Variants in CCDC158 observed in about 807,000 individuals in gnomAD.
The protein encoded by CCDC158 is coiled-coil domain containing 158, also known as coiled-coil domain-containing protein 158.
In CCDC158, 116 loss-of-function variants were observed where a neutral mutation model predicts 138.6. The ratio of observed to expected loss-of-function variants is 0.84; its 90% CI spans 0.72 to 0.98. CCDC158 has a LOEUF of 0.98. Ranked by LOEUF, CCDC158 falls within the 50% of genes least tolerant of loss-of-function variation. CCDC158 has a pLI of 0.00. For synonymous variants in CCDC158, 436 were observed against 442.4 expected, an observed-to-expected ratio of 0.99 and a Z score of 0.18; for missense variants, 1,265 against 1,306.1, an observed-to-expected ratio of 0.97 and a Z score of 0.48.
intron 24 of CCDC158, among the ~76,000 whole-genome samples, chr4:76,318,731 C>T (rs1158810963): frequency 1.3e-5 from 2 of 152,036 alleles, no homozygotes; most frequent in Non-Finnish European, 2.9e-5. Flanking sequence ...AGAGCAATAT[C>T]CATGATGAAC....
intron 13 of CCDC158, among the ~76,000 whole-genome samples, 174 bp from the exon 14 acceptor site, chr4:76,357,700 G>T (rs936515675): frequency 5.9e-5 from 9 of 152,112 alleles, no homozygotes; most frequent in Non-Finnish European, 7.4e-5. Flanking sequence ...CCAGGGATAT[G>T]ACCCTTTCTT....
intron 2 of CCDC158, among the ~76,000 whole-genome samples, chr4:76,411,226 A>G (rs139582348): frequency 2.6e-5 from 4 of 152,110 alleles, no homozygotes; most frequent in African/African-American, 9.6e-5. Flanking sequence ...ACAGAGTGAG[A>G]CTCTGTCTTT....
chr4:76,372,466 A>G (rs985087390), intron 9 of CCDC158, among the ~76,000 whole-genome samples: 16 of 152,200 alleles, frequency 1.1e-4, no homozygotes, highest in African/African-American at 3.9e-4. Flanking sequence ...TTGATATGGC[A>G]TAAACAACAT....
chr4:76,421,203 G>C (rs1331680670), upstream of CCDC158, among the ~76,000 whole-genome samples: 2 of 152,148 alleles, frequency 1.3e-5, no homozygotes, highest in East Asian at 3.9e-4. Context: ...CGCGCGAGCC[G>C]CGTGGGTGAC....
At chr4:76,404,943 C>T (rs79783694) in intron 2 of CCDC158, among the ~76,000 whole-genome samples, 4,430 of 152,042 alleles carry the variant, frequency 0.029, 214 homozygotes, top group African/African-American at 0.1. Flanking sequence ...GAATATAATA[C>T]AACTGGGTTT....
chr4:76,408,972 A>G lies in CCDC158; in HGVS notation c.-74+3118T>C, dbSNP rs1427101573. The stretch of plus-strand genomic sequence containing the variant: ...ATTTTTTCACGTGTCTTTTGGCTGC[A>G]TAAATGTCTTCTTTTGAGAAGTGTC... On this transcript the variant is annotated intron_variant, in intron 2 of 24. Coordinates refer to ENST00000682701, the MANE Select transcript of CCDC158 (RefSeq NM_001394954.1). 5.9e-5 allele frequency among the ~76,000 whole-genome samples: 9 copies of G among 152,214 alleles called. 1 individual carries two copies. The highest frequency in any genetic ancestry group is 5.9e-4 in the Admixed American group (9 of 15,274).
intron 1 of CCDC158, among the ~76,000 whole-genome samples, chr4:76,414,543 A>G (rs1159242818): frequency 1.3e-5 from 2 of 152,192 alleles, no homozygotes; most frequent in African/African-American, 2.4e-5. Flanking sequence ...GAGACTCCTG[A>G]TATGGTTTGG....
chr4:76,382,767 T>G, intron 7 of CCDC158, 47 bp from the exon 8 acceptor site: 1 of 1,236,536 alleles, frequency 8.1e-7, no homozygotes, highest in Non-Finnish European at 1.2e-6. Context: ...AAGATTTTCC[T>G]GACTATGAAT....
chr4:76,341,125 CATAAATT>C (rs1722007993), intron 18 of CCDC158, among the ~76,000 whole-genome samples: 1 of 152,078 alleles, frequency 6.6e-6, no homozygotes, highest in South Asian at 2.1e-4. Context: ...TAAAATTTTT[CATAAATT>C]ATATCTTTAA....
chr4:76,358,881 AC>A (rs1446081814), intron 13 of CCDC158, among the ~76,000 whole-genome samples: 1 of 152,298 alleles, frequency 6.6e-6, no homozygotes, highest in African/African-American at 2.4e-5. Flanking sequence ...GTAACTTCTG[AC>A]TTTATGAAGT....
chr4:76,338,217 T>G (rs1225342658), intron 18 of CCDC158, among the ~76,000 whole-genome samples: 1 of 152,000 alleles, frequency 6.6e-6, no homozygotes, highest in Non-Finnish European at 1.5e-5. Context: ...AAATACAGAT[T>G]AACATTAGCA....
chr4:76,335,008 A>G (rs1721344802), intron 18 of CCDC158, among the ~76,000 whole-genome samples: 1 of 152,192 alleles, frequency 6.6e-6, no homozygotes. Flanking sequence ...AAACCAATAT[A>G]ATATCCAGCT....
At chr4:76,315,779 G>C (rs897055980) in intron 24 of CCDC158, among the ~76,000 whole-genome samples, 1 of 152,190 alleles carries the variant, frequency 6.6e-6, no homozygotes, top group Non-Finnish European at 1.5e-5. Context: ...ACGTGAAGAT[G>C]AATCACATCA....
rs533102328 is a variant in CCDC158, at chr4:76,393,468, A to T, written c.288+2801T>A. Among the ~76,000 whole-genome samples, 15 of 152,260 alleles carry T rather than the reference A, an allele frequency of 9.9e-5. No individual in the cohort carries two copies. In the South Asian group the frequency reaches 2.7e-3, roughly 27 times the overall value. On this transcript the variant is annotated intron_variant, in intron 4 of 24. Coordinates refer to ENST00000682701, the MANE Select transcript of CCDC158 (RefSeq NM_001394954.1). Reference sequence around the variant, plus strand: ...AAACTAGATCCCTATCTCTCACCATATTTAAAAATTAAATCAAAATGGGTT... The same window carrying T: ...AAACTAGATCCCTATCTCTCACCATTTTTAAAAATTAAATCAAAATGGGTT...
chr4:76,370,399 G>C (rs1318754113), intron 10 of CCDC158, among the ~76,000 whole-genome samples: 1 of 152,212 alleles, frequency 6.6e-6, no homozygotes, highest in African/African-American at 2.4e-5. Context: ...CGGGTAGAGA[G>C]AAAGGATTGG....
chr4:76,389,000 T>G (rs528222734), intron 4 of CCDC158, among the ~76,000 whole-genome samples: 1 of 152,070 alleles, frequency 6.6e-6, no homozygotes, highest in East Asian at 1.9e-4. Context: ...CAGGCACAAA[T>G]AAGCTCAACT....
chr4:76,345,106 A>G (rs1410605731), intron 18 of CCDC158: 2 of 1,192,174 alleles, frequency 1.7e-6, no homozygotes, highest in African/African-American at 1.5e-5. Context: ...GCCGATGTCT[A>G]TATCCACACT....
At chr4:76,401,355 C>G (rs915933329) in intron 3 of CCDC158, 5 of 504,924 alleles carry the variant, frequency 9.9e-6, no homozygotes, top group African/African-American at 9.8e-5. Context: ...TCTCTGTATG[C>G]CCAGAGAAAG....
intron 2 of CCDC158, among the ~76,000 whole-genome samples, chr4:76,408,388 C>T (rs1055680075): frequency 6.6e-6 from 1 of 151,908 alleles, no homozygotes; most frequent in Admixed American, 6.6e-5. Flanking sequence ...TTCCTGTGTT[C>T]ATGTGTTCTC....
Sources: gnomAD v4.1 joint callset for allele counts (sites outside exome capture counted in the v4.1 genomes callset) on GRCh38, gnomAD v4.1.1 for gene constraint, MANE v1.5 for transcripts, NCBI Gene and HGNC (gene_info 2026-07-23, HGNC 2026-07-21) for gene names.